CASK: variants seen among roughly 807,000 people sequenced by gnomAD.
CASK encodes the protein calcium/calmodulin dependent serine protein kinase, also known as peripheral plasma membrane protein CASK.
A neutral mutation model predicts 82.9 loss-of-function variants in CASK; 4 were observed. The ratio of observed to expected loss-of-function variants is 0.05; its 90% CI spans 0.02 to 0.11. The LOEUF is 0.11. CASK is among the 10% of genes least tolerant of loss of function. The pLI, the probability that CASK is intolerant of heterozygous loss-of-function variation, is 1.00. For missense variants in CASK, 358 were observed against 720.9 expected, an observed-to-expected ratio of 0.50 and a Z score of 5.76; for synonymous variants, 259 against 253.5, an observed-to-expected ratio of 1.02 and a Z score of -0.20.
intron 3 of CASK, among the ~76,000 whole-genome samples, chrX:41,748,819 T>C (rs1385097354): frequency 8.9e-6 from 1 of 111,870 alleles, no homozygotes; most frequent in African/African-American, 3.3e-5. Flanking sequence ...GGAAATTATT[T>C]ACTGCCCTGT....
chrX:41,602,252 T>A (rs1413289918), intron 12 of CASK, among the ~76,000 whole-genome samples: 1 of 112,086 alleles, frequency 8.9e-6, no homozygotes, highest in East Asian at 2.8e-4. Flanking sequence ...CAACAGTATA[T>A]CTCTGCTCAT....
intron 9 of CASK, among the ~76,000 whole-genome samples, chrX:41,631,761 G>A (rs1008827436): frequency 1.8e-5 from 2 of 111,061 alleles, no homozygotes; most frequent in African/African-American, 6.5e-5. Flanking sequence ...GTGAGCCACC[G>A]TGCCTGGCCT....
intron 1 of CASK, among the ~76,000 whole-genome samples, chrX:41,876,302 G>A (rs1013437848): frequency 2.7e-5 from 3 of 111,137 alleles, no homozygotes; most frequent in African/African-American, 6.5e-5. Flanking sequence ...TAAGGAAATC[G>A]AGTTTCAGAG....
At chrX:41,796,626 TAAGAA>T (rs1451254163) in intron 2 of CASK, among the ~76,000 whole-genome samples, 1 of 112,199 alleles carries the variant, frequency 8.9e-6, no homozygotes, top group Non-Finnish European at 1.9e-5. Flanking sequence ...GGACACTAGT[TAAGAA>T]AAGTAAAACA....
intron 5 of CASK, among the ~76,000 whole-genome samples, chrX:41,700,462 T>C (rs2067771015): frequency 9.0e-6 from 1 of 110,712 alleles, no homozygotes; most frequent in Non-Finnish European, 1.9e-5. Flanking sequence ...ATTCTTATCC[T>C]TCAGTAAGGA....
At chrX:41,763,687 GTATCTT>G (rs1465308111) in intron 3 of CASK, among the ~76,000 whole-genome samples, 1 of 110,914 alleles carries the variant, frequency 9.0e-6, no homozygotes, top group East Asian at 2.8e-4. Context: ...TGATATTTCT[GTATCTT>G]TATAATATAT....
intron 7 of CASK, among the ~76,000 whole-genome samples, chrX:41,663,961 T>TA (rs1362116653): frequency 2.7e-5 from 3 of 111,822 alleles, no homozygotes; most frequent in Non-Finnish European, 3.8e-5. Context: ...GAGAGCAACT[T>TA]ACAACTTCCC....
intron 10 of CASK, among the ~76,000 whole-genome samples, chrX:41,625,838 GGCAT>G (rs1039497124): frequency 1.9e-5 from 2 of 107,973 alleles, no homozygotes; most frequent in African/African-American, 6.8e-5. Flanking sequence ...GGAGTGCAGT[GGCAT>G]GATCTCGGAT....
At chrX:41,860,329 G>T (rs2071454323) in intron 1 of CASK, among the ~76,000 whole-genome samples, 1 of 110,707 alleles carries the variant, frequency 9.0e-6, no homozygotes, top group South Asian at 3.8e-4. Flanking sequence ...AGGCAAAAAG[G>T]AAACAAAGCT....
At chrX:41,731,058 C>T (rs2068388144) in intron 5 of CASK, among the ~76,000 whole-genome samples, 1 of 112,236 alleles carries the variant, frequency 8.9e-6, no homozygotes, top group African/African-American at 3.2e-5. Context: ...CCGACTAAGA[C>T]AGTAATGTTT....
intron 1 of CASK, among the ~76,000 whole-genome samples, chrX:41,889,022 T>C (rs986851215): frequency 9.1e-6 from 1 of 110,058 alleles, no homozygotes; most frequent in Non-Finnish European, 1.9e-5. Context: ...GTGGGACTGC[T>C]GGATCAAACG....
intron 1 of CASK, among the ~76,000 whole-genome samples, chrX:41,879,833 G>C (rs2071913314): frequency 8.9e-6 from 1 of 111,965 alleles, no homozygotes. Flanking sequence ...CAAATAATGA[G>C]AATAGTTTCA....
At chrX:41,810,523 C>G (rs2070249483) in intron 2 of CASK, among the ~76,000 whole-genome samples, 1 of 111,214 alleles carries the variant, frequency 9.0e-6, no homozygotes, top group Admixed American at 9.6e-5. Flanking sequence ...CCTTTGCAGA[C>G]AAGCAAATGC....
intron 2 of CASK, among the ~76,000 whole-genome samples, chrX:41,823,390 T>C (rs753912797): frequency 2.7e-5 from 3 of 110,166 alleles, no homozygotes; most frequent in Non-Finnish European, 3.8e-5. Flanking sequence ...CTGGAATCCT[T>C]CCCATTTTAA....
intron 3 of CASK, among the ~76,000 whole-genome samples, chrX:41,759,354 G>A (rs2068955279): frequency 9.0e-6 from 1 of 111,509 alleles, no homozygotes; most frequent in Non-Finnish European, 1.9e-5. Flanking sequence ...GAAAGGACTC[G>A]TACTGCAGAG....
At chrX:41,910,771 T>A (rs2072548323) in intron 1 of CASK, among the ~76,000 whole-genome samples, 1 of 112,329 alleles carries the variant, frequency 8.9e-6, no homozygotes, top group Admixed American at 9.4e-5. Flanking sequence ...AAGTTTAGAA[T>A]GCTCCCTCTC....
intron 2 of CASK, among the ~76,000 whole-genome samples, chrX:41,841,868 A>G (rs932165216): frequency 1.8e-5 from 2 of 111,789 alleles, no homozygotes; most frequent in Non-Finnish European, 3.8e-5. Context: ...AAAATTTTAA[A>G]TTATGATGAA....
intron 1 of CASK, among the ~76,000 whole-genome samples, chrX:41,862,542 GAAAAAAAA>G (rs35462461): frequency 3.0e-5 from 1 of 32,863 alleles, no homozygotes; most frequent in Non-Finnish European, 5.1e-5. Flanking sequence ...CTCTGTCTCA[GAAAAAAAA>G]AAAAAAAAAA....
At chrX:41,672,173 A>C (rs892274966) in intron 5 of CASK, among the ~76,000 whole-genome samples, 3 of 110,911 alleles carry the variant, frequency 2.7e-5, no homozygotes, top group African/African-American at 9.9e-5. Context: ...GGAGGTGAAA[A>C]AGGAGAAGGG....
Sources: allele counts gnomAD v4.1 joint callset (sites outside exome capture counted in the v4.1 genomes callset), GRCh38; gene constraint gnomAD v4.1.1; transcripts MANE v1.5; gene names NCBI Gene and HGNC (gene_info 2026-07-23, HGNC 2026-07-21).